Variants in PDE10A observed in about 807,000 individuals in gnomAD.
The protein encoded by PDE10A is cAMP and cAMP-inhibited cGMP 3',5'-cyclic phosphodiesterase 10A.
In PDE10A, 39 loss-of-function variants were observed where a neutral mutation model predicts 97.7. The observed-to-expected ratio is 0.40, with a 90% CI of 0.31 to 0.52. The LOEUF (loss-of-function observed/expected upper bound fraction) is 0.52, where lower values mean the gene tolerates loss of function less well. Among genes scored for constraint, PDE10A ranks in the 20% least tolerant of loss-of-function variants. The pLI is 0.56. For missense variants in PDE10A, 731 were observed against 1,047.8 expected (o/e 0.70, Z 4.17); for synonymous variants, 371 against 376.8 (o/e 0.98, Z 0.18).
At chr6:165,437,294 G>A (rs1171144690) in intron 5 of PDE10A, among the ~76,000 whole-genome samples, 6 of 151,930 alleles carry the variant, frequency 3.9e-5, no homozygotes, top group Non-Finnish European at 8.8e-5. Context: ...ACATGTTTAA[G>A]TTATACATAG....
rs1781105847 is a variant in PDE10A, at chr6:165,327,407, T to A, written c.*5618A>T. 1 of 152,232 alleles carries A rather than the reference T, an allele frequency of 6.6e-6. No homozygotes were observed. 9.4% of individuals were successfully genotyped at this position (152,232 alleles called of 1,614,324 possible). Reference sequence around the variant, plus strand: ...TATATTTTATGTGTATAATTACATATCAACAAAAGAATTCTTGCTGCTTTA... The same window carrying A: ...TATATTTTATGTGTATAATTACATAACAACAAAAGAATTCTTGCTGCTTTA... On this transcript the variant is annotated 3_prime_UTR_variant, in exon 22 of 22. Transcript: ENST00000539869.
At chr6:165,538,959 G>T (rs1268934834) in intron 2 of PDE10A, among the ~76,000 whole-genome samples, 1 of 152,084 alleles carries the variant, frequency 6.6e-6, no homozygotes, top group African/African-American at 2.4e-5. Flanking sequence ...GGCAACATAT[G>T]CCTAGATAAT....
intron 1 of PDE10A, among the ~76,000 whole-genome samples, chr6:165,944,824 A>T (rs1391567809): frequency 1.3e-5 from 2 of 152,178 alleles, no homozygotes. Context: ...GTGCAAAGAA[A>T]ATTTTTGAAA....
At chr6:165,761,183 C>T (rs1370244296) in intron 1 of PDE10A, among the ~76,000 whole-genome samples, 2 of 152,214 alleles carry the variant, frequency 1.3e-5, no homozygotes, top group Admixed American at 1.3e-4. Flanking sequence ...TCCCAATAAA[C>T]TCCATTTTTC....
At chr6:165,987,593 G>C (rs1488307592) in exon 1 of PDE10A, 1 of 409,830 alleles carries the variant, frequency 2.4e-6, no homozygotes, top group Non-Finnish European at 4.8e-6. Flanking sequence ...AATTTAAAAA[G>C]AGACAGTGAG....
intron 1 of PDE10A, among the ~76,000 whole-genome samples, chr6:165,580,339 T>A (rs6934937): frequency 0.013 from 2,041 of 152,248 alleles, 55 homozygotes; most frequent in African/African-American, 0.046. Context: ...TTTCCAGAGA[T>A]GACAGCATGA....
intron 18 of PDE10A, among the ~76,000 whole-genome samples, chr6:165,344,078 ATTTCT>A (rs200880399): frequency 0.016 from 2,510 of 152,280 alleles, 39 homozygotes; most frequent in Non-Finnish European, 0.019. Context: ...ATTAGCAGAT[ATTTCT>A]TTTCAACACC....
intron 1 of PDE10A, among the ~76,000 whole-genome samples, chr6:165,696,066 A>T (rs564351158): frequency 6.6e-6 from 1 of 152,260 alleles, no homozygotes; most frequent in African/African-American, 2.4e-5. Context: ...ATGCCTCTCA[A>T]GCAGCAACAT....
chr6:165,853,756 T>C (rs998635703), intron 1 of PDE10A, among the ~76,000 whole-genome samples: 2 of 152,224 alleles, frequency 1.3e-5, no homozygotes, highest in African/African-American at 4.8e-5. Flanking sequence ...AATGTAACTC[T>C]GATAGCCCTT....
intron 4 of PDE10A, among the ~76,000 whole-genome samples, chr6:165,450,005 T>C (rs1489946623): frequency 2.0e-5 from 3 of 152,234 alleles, no homozygotes; most frequent in Non-Finnish European, 2.9e-5. Flanking sequence ...TTAGAAGGCA[T>C]AGTATATTAC....
intron 1 of PDE10A, among the ~76,000 whole-genome samples, chr6:165,931,698 C>A (rs1783140489): frequency 6.6e-6 from 1 of 152,114 alleles, no homozygotes; most frequent in Non-Finnish European, 1.5e-5. Flanking sequence ...AAGCCAAGGT[C>A]TATGTGGAAA....
At chr6:165,824,403 G>A (rs1779665686) in intron 1 of PDE10A, among the ~76,000 whole-genome samples, 1 of 152,174 alleles carries the variant, frequency 6.6e-6, no homozygotes, top group African/African-American at 2.4e-5. Context: ...GACTCAAGAA[G>A]CTTTTGCTTT....
chr6:165,848,160 A>AAGC (rs1780472562), intron 1 of PDE10A, among the ~76,000 whole-genome samples: 1 of 152,132 alleles, frequency 6.6e-6, no homozygotes. Context: ...CAACCCACAG[A>AAGC]AGCAGCCCAT....
chr6:165,754,570 A>C (rs73788784), intron 1 of PDE10A, among the ~76,000 whole-genome samples: 8,310 of 151,870 alleles, frequency 0.055, 383 homozygotes, highest in African/African-American at 0.13. Flanking sequence ...TTCTCTCTAT[A>C]TATATATATA....
At chr6:165,945,385 T>C (rs951249510) in intron 1 of PDE10A, among the ~76,000 whole-genome samples, 2 of 152,226 alleles carry the variant, frequency 1.3e-5, no homozygotes, top group African/African-American at 2.4e-5. Flanking sequence ...AGAAACAATA[T>C]ATGCTTGTTT....
intron 1 of PDE10A, among the ~76,000 whole-genome samples, chr6:165,926,410 C>T (rs545807002): frequency 6.6e-6 from 1 of 152,182 alleles, no homozygotes; most frequent in African/African-American, 2.4e-5. Flanking sequence ...TGGCTTTTTC[C>T]ATAGTATTTG....
At position 165,468,281 on chromosome 6, in the gene PDE10A, G is replaced by T. The variant is rs528107170; in HGVS notation, c.1023+14034C>A. Reference sequence around the variant, plus strand: ...TTTTTTTTTTTTTTAGTAGAGATGGGGTTTCACCATGTTGGTCAGGCTGGT... The same window carrying T: ...TTTTTTTTTTTTTTAGTAGAGATGGTGTTTCACCATGTTGGTCAGGCTGGT... On this transcript the variant is annotated intron_variant, in intron 3 of 21. Coordinates refer to ENST00000539869, the MANE Select transcript of PDE10A (RefSeq NM_001385079.1). Among the ~76,000 whole-genome samples the T allele has an allele frequency of 2.1e-3, 319 of 151,246 alleles. 4 individuals are homozygous for T. Among genetic ancestry groups the T allele is most frequent in the African/African-American group, 7.4e-3 (304 of 41,244 alleles).
In PDE10A at chr6:165,359,896, G is replaced by A. The variant is rs148402039; in HGVS notation, c.2784-16394C>T. On this transcript the variant is annotated intron_variant, in intron 18 of 21. Coordinates refer to ENST00000539869, the MANE Select transcript of PDE10A (RefSeq NM_001385079.1). Reference sequence around the variant, plus strand: ...ACACAGACAGGGCACACCAGATGTGGCCTGAGGCTTTAGAGTGCCAACCCC... The same window carrying A: ...ACACAGACAGGGCACACCAGATGTGACCTGAGGCTTTAGAGTGCCAACCCC... Among the ~76,000 whole-genome samples the A allele has an allele frequency of 3.9e-5, 6 of 152,224 alleles. No individual in the cohort carries two copies. The East Asian group carries it at 1.2e-3, about 29-fold the overall frequency.
intron 1 of PDE10A, among the ~76,000 whole-genome samples, chr6:165,681,679 C>CA (rs1790982650): frequency 6.6e-6 from 1 of 152,050 alleles, no homozygotes; most frequent in Non-Finnish European, 1.5e-5. Flanking sequence ...AATTGTGAAC[C>CA]AAGCCTGCAT....
Sources: allele counts gnomAD v4.1 joint callset (sites outside exome capture counted in the v4.1 genomes callset), GRCh38; gene constraint gnomAD v4.1.1; transcripts MANE v1.5; gene names NCBI Gene and HGNC (gene_info 2026-07-23, HGNC 2026-07-21).